Variants in ATP10A observed in about 807,000 individuals in gnomAD.
ATP10A encodes ATPase phospholipid transporting 10A (putative).
In ATP10A, 111 loss-of-function variants were observed where a neutral mutation model predicts 147.8. That is an observed-to-expected ratio of 0.75 (90% CI 0.64 to 0.88). ATP10A has a LOEUF of 0.88. ATP10A is among the 40% of genes least tolerant of loss of function. ATP10A has a pLI of 0.00. For missense variants in ATP10A, 1,927 were observed against 1,959.0 expected, an observed-to-expected ratio of 0.98 and a Z score of 0.31; for synonymous variants, 875 against 841.6, an observed-to-expected ratio of 1.04 and a Z score of -0.69.
intron 1 of ATP10A, among the ~76,000 whole-genome samples, chr15:25,853,747 A>G (rs150090558): frequency 9.3e-4 from 142 of 152,186 alleles, no homozygotes; most frequent in African/African-American, 3.2e-3. Flanking sequence ...ACCCAGGAAC[A>G]GGCAGGTGGG....
At chr15:25,701,220 T>C (rs1019254447) in intron 13 of ATP10A, among the ~76,000 whole-genome samples, 16 of 152,038 alleles carry the variant, frequency 1.1e-4, no homozygotes, top group African/African-American at 9.7e-5. Context: ...AGAGCAGGAA[T>C]GCTCCCACCA....
At chr15:25,829,616 G>T (rs1316475418) in intron 1 of ATP10A, among the ~76,000 whole-genome samples, 1 of 152,174 alleles carries the variant, frequency 6.6e-6, no homozygotes, top group Non-Finnish European at 1.5e-5. Context: ...AAGATAAACA[G>T]AGTAGGGACA....
intron 8 of ATP10A, among the ~76,000 whole-genome samples, chr15:25,717,525 C>T (rs1029672294): frequency 9.2e-5 from 14 of 152,154 alleles, no homozygotes; most frequent in East Asian, 1.9e-4. Context: ...TCCTGCCAAG[C>T]GTGAGAGCCC....
At chr15:25,808,811 C>G (rs1399430527) in intron 1 of ATP10A, among the ~76,000 whole-genome samples, 20 of 152,142 alleles carry the variant, frequency 1.3e-4, no homozygotes, top group Admixed American at 1.3e-3. Flanking sequence ...ATGCCAAATG[C>G]CATACATTCT....
chr15:25,734,171 C>T (rs1437016154), intron 3 of ATP10A, among the ~76,000 whole-genome samples: 1 of 152,176 alleles, frequency 6.6e-6, no homozygotes, highest in Non-Finnish European at 1.5e-5. Context: ...CACCGGACCC[C>T]GCCCCTCTCG....
chr15:25,709,993 G>A (rs1365550484), intron 10 of ATP10A: 3 of 152,252 alleles, frequency 2.0e-5, no homozygotes, highest in Admixed American at 2.0e-4. Flanking sequence ...GAAGGAGAAT[G>A]TACTGGGGAA....
chr15:25,840,880 C>T (rs1353236170), intron 1 of ATP10A, among the ~76,000 whole-genome samples: 1 of 152,148 alleles, frequency 6.6e-6, no homozygotes, highest in African/African-American at 2.4e-5. Flanking sequence ...CTTTAATTTG[C>T]ATTTCCCTGT....
chr15:25,818,991 C>T (rs901820505), intron 1 of ATP10A, among the ~76,000 whole-genome samples: 3 of 151,922 alleles, frequency 2.0e-5, no homozygotes, highest in Admixed American at 6.6e-5. Context: ...AGAAGAAACC[C>T]GAGGGAAGAC....
At chr15:25,714,592 G>A (rs1196929957) in intron 9 of ATP10A, among the ~76,000 whole-genome samples, 4 of 152,056 alleles carry the variant, frequency 2.6e-5, no homozygotes, top group African/African-American at 9.7e-5. Context: ...CTTTCAGAAC[G>A]TGATTGCCGA....
Position 25,727,261 on chromosome 15 carries a change from T to G in ATP10A, c.746A>C (p.His249Pro). Residue 249 changes from histidine (H) to proline (P), a missense_variant, in exon 4 of 21, where the codon CAT (histidine) becomes CCT (proline). Coordinates refer to ENST00000555815, the MANE Select transcript of ATP10A (RefSeq NM_024490.4). ...CAGCCCGGCCTTTTTCCCGTTGTCA[T>G]GTATGCTGTAGAGGGACAGTTGGCA... is the stretch of plus-strand genomic sequence containing the variant. ...DLSRFRGCII[H>P]DNGKKAGLYK... is the part of the protein sequence containing the mutation. 6.2e-7 allele frequency: 1 copy of G among 1,613,472 alleles called. No homozygotes were observed. Among genetic ancestry groups the G allele is most frequent in the Non-Finnish European group, 8.5e-7 (1 of 1,179,544 alleles).
intron 1 of ATP10A, among the ~76,000 whole-genome samples, chr15:25,824,890 G>A (rs1892053560): frequency 1.3e-5 from 2 of 152,150 alleles, no homozygotes; most frequent in Non-Finnish European, 2.9e-5. Flanking sequence ...GCCAGGTGCT[G>A]TGGTTCATGC....
At chr15:25,782,345 T>A (rs1889964419) in intron 1 of ATP10A, among the ~76,000 whole-genome samples, 1 of 152,220 alleles carries the variant, frequency 6.6e-6, no homozygotes, top group South Asian at 2.1e-4. Context: ...GTAGTGATGA[T>A]TGTACCACAC....
rs926990297 is a variant in ATP10A at position 25,781,090 on chromosome 15, T to C, written c.583A>G (p.Ile195Val). ...TCTCCATCCAGGTTGGCGGTCTCGA[T>C]GTGGCATAGCCCGTCGGGGTCACTG... is the stretch of plus-strand genomic sequence containing the variant. ...SSSDPDGLCH[I>V]ETANLDGETN... The change falls in exon 2 of 21, where the codon ATC becomes GTC. Residue 195 changes from isoleucine (I) to valine (V), a missense_variant. Physicochemically the swap from Ile to Val is conservative, Grantham distance 29. Coordinates refer to ENST00000555815, the MANE Select transcript of ATP10A (RefSeq NM_024490.4). 4 of 1,614,050 alleles carry C rather than the reference T, an allele frequency of 2.5e-6. No individual in the cohort carries two copies. The highest frequency in any genetic ancestry group is 1.1e-5 in the South Asian group (1 of 91,088).
rs1276413646 is a variant in ATP10A at position 25,863,312 on chromosome 15, C to T, written c.-216G>A. 5.8e-6 allele frequency: 1 copy of T among 173,360 alleles called. No individual in the cohort carries two copies. The highest frequency in any genetic ancestry group is 1.2e-5 in the Non-Finnish European group (1 of 85,100). 10.7% of individuals were successfully genotyped at this position (173,360 alleles called of 1,614,324 possible). A position where few individuals can be genotyped will look rare whatever the true frequency, so the allele number is the denominator to read the frequency against. ...TCCAGCCCCGCCGCCCGGCCGCAGT[C>T]CCCAGGGCGCAAGCTGGGCGGGTGC... On this transcript the variant is annotated 5_prime_UTR_variant, in exon 1 of 21. Coordinates refer to ENST00000555815, the MANE Select transcript of ATP10A (RefSeq NM_024490.4).
At chr15:25,708,426 T>C in intron 10 of ATP10A, 126 bp from the exon 11 acceptor site, 1 of 751,854 alleles carries the variant, frequency 1.3e-6, no homozygotes, top group Non-Finnish European at 2.2e-6. Context: ...TCATATAGAA[T>C]TCAAAGCAAA....
At chr15:25,825,280 C>T (rs1200527457) in intron 1 of ATP10A, among the ~76,000 whole-genome samples, 2 of 152,064 alleles carry the variant, frequency 1.3e-5, no homozygotes, top group Non-Finnish European at 2.9e-5. Context: ...GGGCAAACAA[C>T]AAGCAGATCA....
At chr15:25,833,736 T>C (rs1892468235) in intron 1 of ATP10A, among the ~76,000 whole-genome samples, 1 of 152,156 alleles carries the variant, frequency 6.6e-6, no homozygotes, top group Non-Finnish European at 1.5e-5. Context: ...ATCCCAACAC[T>C]TTGGGAGGCT....
intron 1 of ATP10A, among the ~76,000 whole-genome samples, chr15:25,791,202 C>T (rs554971434): frequency 6.6e-6 from 1 of 151,734 alleles, no homozygotes; most frequent in South Asian, 2.1e-4. Flanking sequence ...GCCTCAGCCT[C>T]CCCAGTAGCT....
intron 1 of ATP10A, among the ~76,000 whole-genome samples, chr15:25,835,511 C>G (rs571467811): frequency 6.6e-6 from 1 of 152,264 alleles, no homozygotes; most frequent in South Asian, 2.1e-4. Context: ...ACTATGGGGT[C>G]AGCACAGTTT....
Sources: allele counts gnomAD v4.1 joint callset (sites outside exome capture counted in the v4.1 genomes callset), GRCh38; gene constraint gnomAD v4.1.1; transcripts MANE v1.5; gene names NCBI Gene and HGNC (gene_info 2026-07-23, HGNC 2026-07-21).